Variants in RGPD4 observed in about 807,000 individuals in gnomAD.
The protein encoded by RGPD4 is RANBP2 like and GRIP domain containing 4.
Under a neutral mutation model 141.1 loss-of-function variants are expected in RGPD4, and 84 were observed. The observed-to-expected ratio is 0.60, with a 90% CI of 0.50 to 0.71. The LOEUF (loss-of-function observed/expected upper bound fraction) is 0.71. Ranked by LOEUF, RGPD4 falls within the 30% of genes least tolerant of loss-of-function variation. The pLI, the probability that RGPD4 is intolerant of heterozygous loss-of-function variation, is 0.00. For missense variants in RGPD4, 918 were observed against 1,622.4 expected (o/e 0.57, Z 7.46); for synonymous variants, 298 against 566.8 (o/e 0.53, Z 6.74).
chr2:107,827,957 C>T (rs79529544), intron 1 of RGPD4, among the ~76,000 whole-genome samples: 1 of 22,572 alleles, frequency 4.4e-5, no homozygotes, highest in Non-Finnish European at 7.9e-5. Flanking sequence ...TCATGGCTCC[C>T]GACGGGCGCT....
At chr2:107,878,581 A>G (rs540466680) in intron 20 of RGPD4, among the ~76,000 whole-genome samples, 13 of 148,892 alleles carry the variant, frequency 8.7e-5, no homozygotes, top group South Asian at 6.5e-4. Flanking sequence ...GGCTGCTCCA[A>G]TAAAATTTCT....
intron 21 of RGPD4, among the ~76,000 whole-genome samples, chr2:107,882,403 A>C (rs1187726344): frequency 1.3e-5 from 2 of 151,762 alleles, no homozygotes; most frequent in East Asian, 3.9e-4. Flanking sequence ...CATATGCAGC[A>C]ATCCACTTTC....
chr2:107,847,618 C>T (rs1340686838), intron 6 of RGPD4, among the ~76,000 whole-genome samples: 2 of 58,874 alleles, frequency 3.4e-5, no homozygotes, highest in Admixed American at 2.6e-4. Context: ...GTCAGGAGTT[C>T]GAGACCAGCC....
chr2:107,829,707 C>T (rs1158010622), intron 1 of RGPD4, among the ~76,000 whole-genome samples: 1 of 152,114 alleles, frequency 6.6e-6, no homozygotes, highest in Non-Finnish European at 1.5e-5. Flanking sequence ...GGGCGGGAGA[C>T]CTTTGGCGCC....
chr2:107,882,804 C>G lies in RGPD4; in HGVS notation c.5197C>G (p.Leu1733Val), dbSNP rs570292087. 4.5e-5 allele frequency: 73 copies of G among 1,611,170 alleles called. 1 individual carries two copies. The South Asian group carries it at 8.0e-4, about 18-fold the overall frequency. ...LKPGSERERL[L>V]PVINTMLQLS... The stretch of plus-strand genomic sequence containing the variant: ...GCCAGGTAGTGAAAGAGAGAGACTT[C>G]TTCCTGTTATAAATACGATGTTGCA... The change falls in exon 22 of 23, where the codon CTT (leucine) becomes GTT (valine). Residue 1733 changes from leucine to valine, a missense_variant. Physicochemically the swap from Leu to Val is conservative, Grantham distance 32. Coordinates refer to ENST00000408999, the MANE Select transcript of RGPD4 (RefSeq NM_182588.3).
intron 1 of RGPD4, among the ~76,000 whole-genome samples, chr2:107,827,741 G>A (rs954855429): frequency 9.2e-4 from 41 of 44,664 alleles, no homozygotes; most frequent in East Asian, 1.5e-3. Flanking sequence ...TGGCTCAGGC[G>A]TCATGGCTCC....
Position 107,826,961 on chromosome 2 carries a change from C to T in RGPD4, c.-53C>T. ...GCTTTCCTGTTGGAATTGGCGACTG[C>T]TGCGGGGCTGAGCGCTGGTTTCACG... is the stretch of plus-strand genomic sequence containing the variant. On this transcript the variant is annotated 5_prime_UTR_variant, in exon 1 of 23. Coordinates refer to ENST00000408999, the MANE Select transcript of RGPD4 (RefSeq NM_182588.3). The T allele has an allele frequency of 1.9e-6, 3 of 1,564,950 alleles. No homozygotes were observed. The highest frequency in any genetic ancestry group is 2.4e-5 in the South Asian group (2 of 85,072).
chr2:107,857,689 C>A (rs909145146), intron 9 of RGPD4, among the ~76,000 whole-genome samples: 1 of 151,780 alleles, frequency 6.6e-6, no homozygotes, highest in Non-Finnish European at 1.5e-5. Flanking sequence ...CCTGCCTAAG[C>A]CCCCCAAAGT....
chr2:107,885,881 C>T (rs1480424623), intron 22 of RGPD4, among the ~76,000 whole-genome samples: 8 of 151,596 alleles, frequency 5.3e-5, no homozygotes, highest in East Asian at 1.9e-4. Flanking sequence ...GGTGAAACCC[C>T]GTCTCTACTC....
At chr2:107,827,733 G>A (rs1333254133) in intron 1 of RGPD4, among the ~76,000 whole-genome samples, 1 of 52,490 alleles carries the variant, frequency 1.9e-5, no homozygotes, top group African/African-American at 9.6e-5. Flanking sequence ...GGCCTCGATG[G>A]CTCAGGCGTC....
intron 9 of RGPD4, among the ~76,000 whole-genome samples, chr2:107,857,463 C>T (rs575214573): frequency 1.3e-5 from 2 of 148,644 alleles, no homozygotes; most frequent in African/African-American, 5.0e-5. Context: ...GACAGGGTCT[C>T]GCTGTGTCAC....
chr2:107,827,604 C>A (rs1310129354), intron 1 of RGPD4, among the ~76,000 whole-genome samples: 2 of 53,310 alleles, frequency 3.8e-5, no homozygotes, highest in African/African-American at 9.0e-5. Context: ...CCTGGCCCGG[C>A]GGCGGCCTCG....
In RGPD4 at chr2:107,829,289, G is replaced by A. The variant is rs78013301; in HGVS notation, c.72+2204G>A. Among the ~76,000 whole-genome samples the A allele has an allele frequency of 4.8e-3, 191 of 39,434 alleles. 60 individuals carry two copies. Among genetic ancestry groups the A allele is most frequent in the African/African-American group, 0.018 (172 of 9,658 alleles). 25.9% of individuals were successfully genotyped at this position (39,434 alleles called of 152,430 possible). A position where few individuals can be genotyped will look rare whatever the true frequency, so the allele number is the denominator to read the frequency against. ...GCGGCCTTGACCCGGCCCGGCGGCG[G>A]CCTGGATGGCTCAGGCGTCATGGCT... On this transcript the variant is annotated intron_variant, in intron 1 of 22. Coordinates refer to ENST00000408999, the MANE Select transcript of RGPD4 (RefSeq NM_182588.3).
chr2:107,883,765 T>C (rs3896559), intron 22 of RGPD4, among the ~76,000 whole-genome samples: 5 of 152,020 alleles, frequency 3.3e-5, no homozygotes, highest in East Asian at 3.8e-4. Flanking sequence ...ATTCAAGCTG[T>C]ATCTTAAGAA....
At chr2:107,849,582 G>T (rs1301155935) in intron 7 of RGPD4, among the ~76,000 whole-genome samples, 1 of 43,444 alleles carries the variant, frequency 2.3e-5, no homozygotes, top group African/African-American at 1.1e-4. Context: ...ATGTTAGCCA[G>T]GATGGTCTCA....
At chr2:107,831,572 CTT>C (rs1166609493) in intron 1 of RGPD4, among the ~76,000 whole-genome samples, 24 of 108,802 alleles carry the variant, frequency 2.2e-4, no homozygotes, top group African/African-American at 4.9e-4. Flanking sequence ...CTTTTCTTTT[CTT>C]TTTTTTTTTT....
At chr2:107,857,688 GC>G (rs1302042812) in intron 9 of RGPD4, among the ~76,000 whole-genome samples, 8 of 151,692 alleles carry the variant, frequency 5.3e-5, no homozygotes, top group Non-Finnish European at 7.4e-5. Flanking sequence ...TCCTGCCTAA[GC>G]CCCCCAAAGT....
chr2:107,844,886 A>G (rs1681867826), intron 6 of RGPD4, among the ~76,000 whole-genome samples: 1 of 97,404 alleles, frequency 1.0e-5, no homozygotes, highest in Non-Finnish European at 1.8e-5. Context: ...ACCAGGCTGG[A>G]GTGCAGTGGC....
rs1453452926 is a variant in RGPD4, at chr2:107,846,389, G to C, written c.783-1952G>C. ...CCGTATGTGGGTTATTTCTGTCAGT[G>C]TTTATTACATTAGAAATTAAAACAA... On this transcript the variant is annotated intron_variant, in intron 6 of 22. Coordinates refer to ENST00000408999, the MANE Select transcript of RGPD4 (RefSeq NM_182588.3). Among the ~76,000 whole-genome samples the C allele has an allele frequency of 4.0e-5, 6 of 151,848 alleles. No homozygotes were observed. The East Asian group carries it at 1.2e-3, about 29-fold the overall frequency.
Sources: allele counts gnomAD v4.1 joint callset (sites outside exome capture counted in the v4.1 genomes callset), GRCh38; gene constraint gnomAD v4.1.1; transcripts MANE v1.5; gene names NCBI Gene and HGNC (gene_info 2026-07-23, HGNC 2026-07-21).